The following DPH6 variants were observed in gnomAD, a reference collection of about 807,000 sequenced individuals.
DPH6 encodes diphthine--ammonia ligase.
In DPH6, 33 loss-of-function variants were observed where a neutral mutation model predicts 38.2. The observed-to-expected ratio is 0.86, with a 90% CI of 0.65 to 1.15. DPH6 has a LOEUF of 1.15. Among genes scored for constraint, DPH6 ranks in the 50% most tolerant of loss-of-function variants. DPH6 has a pLI of 0.00. For synonymous variants in DPH6, 108 were observed against 103.0 expected, an observed-to-expected ratio of 1.05 and a Z score of -0.30; for missense variants, 325 against 320.0, an observed-to-expected ratio of 1.02 and a Z score of -0.12.
chr15:35,511,846 C>T (rs1226976649), intron 3 of DPH6, among the ~76,000 whole-genome samples: 2 of 152,014 alleles, frequency 1.3e-5, no homozygotes, highest in Non-Finnish European at 2.9e-5. Context: ...TATTATTTTG[C>T]AAAGTCTAAA....
At chr15:35,418,562 A>C (rs2053464882) in intron 5 of DPH6, among the ~76,000 whole-genome samples, 1 of 152,142 alleles carries the variant, frequency 6.6e-6, no homozygotes, top group Non-Finnish European at 1.5e-5. Flanking sequence ...TAATTTGCAG[A>C]GCTGACATCT....
chr15:35,300,094 A>G (rs1215125427), intron 3 of DPH6, among the ~76,000 whole-genome samples: 1 of 152,210 alleles, frequency 6.6e-6, no homozygotes, highest in African/African-American at 2.4e-5. Flanking sequence ...GAAGAAAATC[A>G]TTTGTTTTAG....
chr15:35,422,637 T>C (rs1230895380), intron 5 of DPH6, among the ~76,000 whole-genome samples: 2 of 151,890 alleles, frequency 1.3e-5, no homozygotes, highest in South Asian at 2.1e-4. Flanking sequence ...TTGTTAACTA[T>C]AGACACACTG....
chr15:35,450,075 A>C lies in DPH6; in HGVS notation c.505+610T>G, dbSNP rs141171307. On this transcript the variant is annotated intron_variant, in intron 5 of 8. Transcript: ENST00000256538. ...AATATAATTATAGAAATTCCAAATAAATTAAATGTGCTCATATGTAATGTC... is the reference window on the plus strand; with the variant it reads ...AATATAATTATAGAAATTCCAAATACATTAAATGTGCTCATATGTAATGTC... Among the ~76,000 whole-genome samples, 4 of 152,200 alleles carry C rather than the reference A, an allele frequency of 2.6e-5. No homozygotes were observed. The East Asian group carries it at 7.7e-4, about 29-fold the overall frequency.
intron 7 of DPH6, among the ~76,000 whole-genome samples, chr15:35,376,667 T>C (rs1258640694): frequency 6.6e-6 from 1 of 152,156 alleles, no homozygotes; most frequent in African/African-American, 2.4e-5. Flanking sequence ...AAGTGCCCTG[T>C]ACAGGTGTAC....
At chr15:35,536,821 A>G (rs2055176383) in intron 3 of DPH6, among the ~76,000 whole-genome samples, 1 of 152,104 alleles carries the variant, frequency 6.6e-6, no homozygotes, top group South Asian at 2.1e-4. Context: ...AAAACTGTCA[A>G]GATCATAATT....
At chr15:35,298,218 G>A (rs554171684) in intron 3 of DPH6, 88 of 489,456 alleles carry the variant, frequency 1.8e-4, no homozygotes, top group Middle Eastern at 1.4e-3. Flanking sequence ...AAGGATCACC[G>A]GAGATGACTT....
chr15:35,359,660 G>A (rs933586445), intron 3 of DPH6, among the ~76,000 whole-genome samples: 4 of 152,188 alleles, frequency 2.6e-5, no homozygotes, highest in Non-Finnish European at 5.9e-5. Flanking sequence ...GTGGGTGCAT[G>A]TTTGGGAGAG....
chr15:35,445,964 T>C (rs908740565), intron 5 of DPH6, among the ~76,000 whole-genome samples: 2 of 152,172 alleles, frequency 1.3e-5, no homozygotes, highest in African/African-American at 4.8e-5. Context: ...ATATATTTCA[T>C]TGTGTTTAGC....
intron 3 of DPH6, among the ~76,000 whole-genome samples, chr15:35,256,162 G>A (rs2589526): frequency 7.9e-5 from 12 of 151,862 alleles, no homozygotes; most frequent in Non-Finnish European, 1.5e-4. Flanking sequence ...AACTAATAAG[G>A]CAATATTTAC....
intron 6 of DPH6, chr15:35,400,594 A>C: frequency 2.3e-6 from 1 of 426,460 alleles, no homozygotes; most frequent in South Asian, 3.3e-5. Context: ...TGAGAATATA[A>C]ACCTTGACTA....
rs114824971 is a variant in DPH6, at chr15:35,323,408, T to C, written n.200+50113A>G. On this transcript the variant is annotated intron_variant and non_coding_transcript_variant, in intron 3 of 3. Coordinates refer to the DPH6 transcript ENST00000560386. ...GGGGAAGGAGGGGAAAACATTTTGT[T>C]TCCTTTTTTTTTCTTAAGGTATTTT... Among the ~76,000 whole-genome samples the C allele has an allele frequency of 6.7e-3, 1,021 of 152,198 alleles. 12 individuals are homozygous for C. The highest frequency in any genetic ancestry group is 0.024 in the African/African-American group (981 of 41,520).
intron 3 of DPH6, among the ~76,000 whole-genome samples, chr15:35,492,555 A>G (rs2054498800): frequency 6.6e-6 from 1 of 152,162 alleles, no homozygotes; most frequent in Non-Finnish European, 1.5e-5. Flanking sequence ...TTCCTTTCCC[A>G]AAGGATTATT....
In DPH6 at chr15:35,239,650, G is replaced by A. The variant is rs531727533; in HGVS notation, n.201-19068C>T. On this transcript the variant is annotated intron_variant and non_coding_transcript_variant, in intron 3 of 3. Coordinates refer to the DPH6 transcript ENST00000560386. Reference sequence around the variant, plus strand: ...TCCTTCAACCTTAGCGGCAAGTCCCGCTTTCCTGGGGCAGGGGCAAGTACC... The same window carrying A: ...TCCTTCAACCTTAGCGGCAAGTCCCACTTTCCTGGGGCAGGGGCAAGTACC... Among the ~76,000 whole-genome samples, 48 of 139,942 alleles carry A rather than the reference G, an allele frequency of 3.4e-4. 3 individuals carry two copies. The highest frequency in any genetic ancestry group is 4.1e-4 in the African/African-American group (16 of 38,640). 91.8% of individuals were successfully genotyped at this position (139,942 alleles called of 152,430 possible).
intron 3 of DPH6, among the ~76,000 whole-genome samples, chr15:35,232,506 G>A (rs949719361): frequency 1.2e-4 from 19 of 152,042 alleles, no homozygotes; most frequent in Admixed American, 2.6e-4. Context: ...ATTTGAACCC[G>A]GGAGGCAGAG....
intron 6 of DPH6, among the ~76,000 whole-genome samples, chr15:35,385,701 T>C (rs9672539): frequency 0.33 from 50,217 of 151,744 alleles, 9,288 homozygotes; most frequent in African/African-American, 0.5. Context: ...CACCATGGCA[T>C]GTGTATACCT....
chr15:35,201,092 T>C, the DPH6 span, among the ~76,000 whole-genome samples: 1 of 151,006 alleles, frequency 6.6e-6, no homozygotes, highest in Admixed American at 6.6e-5. Context: ...AGGCTCATAC[T>C]GTATAAATAT....
At chr15:35,543,394 G>A (rs762484110) in intron 1 of DPH6, among the ~76,000 whole-genome samples, 4 of 150,538 alleles carry the variant, frequency 2.7e-5, no homozygotes, top group African/African-American at 4.9e-5. Context: ...TAAGGCAGAC[G>A]CATATCACTT....
intron 3 of DPH6, among the ~76,000 whole-genome samples, chr15:35,287,166 T>G (rs987576824): frequency 1.3e-5 from 2 of 152,200 alleles, no homozygotes; most frequent in East Asian, 1.9e-4. Context: ...AAAATCTTTT[T>G]ATGAGTCAAG....
Sources: allele counts gnomAD v4.1 joint callset (sites outside exome capture counted in the v4.1 genomes callset), GRCh38; gene constraint gnomAD v4.1.1; transcripts MANE v1.5; gene names NCBI Gene and HGNC (gene_info 2026-07-23, HGNC 2026-07-21).